CEP126: variants seen among roughly 807,000 people sequenced by gnomAD.
CEP126 encodes the protein centrosomal protein of 126 kDa.
A neutral mutation model predicts 107.8 loss-of-function variants in CEP126; 74 were observed. That is an observed-to-expected ratio of 0.69 (90% CI 0.57 to 0.83). The LOEUF is 0.83. CEP126 is among the 40% of genes least tolerant of loss of function. The pLI is 0.00. For missense variants in CEP126, 1,237 were observed against 1,281.9 expected (o/e 0.96, Z 0.53); for synonymous variants, 449 against 446.0 (o/e 1.01, Z -0.08).
At position 101,915,421 on chromosome 11, in the gene CEP126, C is replaced by G. The variant is rs1419414950; in HGVS notation, c.128+9C>G. 1 of 1,602,100 alleles carries G rather than the reference C, an allele frequency of 6.2e-7. No individual in the cohort carries two copies. Among genetic ancestry groups the G allele is most frequent in the Admixed American group, 1.7e-5 (1 of 58,944 alleles). ...CGACCTGGCTCTTACCTGTATCCTT[C>G]CCAGCCTGTGGCTGCCAGGGTAGCG... On this transcript the variant is annotated intron_variant, in intron 1 of 10. Coordinates refer to ENST00000263468, the MANE Select transcript of CEP126 (RefSeq NM_020802.4).
Position 102,000,761 on chromosome 11 carries a change from T to A in CEP126, c.*3118T>A, listed in dbSNP as rs1003945019. 6.6e-6 allele frequency: 1 copy of A among 151,664 alleles called. No homozygotes were observed. The highest frequency in any genetic ancestry group is 2.4e-5 in the African/African-American group (1 of 41,302). The allele number at this position is 151,664 out of a possible 1,614,324, so 9.4% of individuals were successfully genotyped here. A position where few individuals can be genotyped will look rare whatever the true frequency, so the allele number is the denominator to read the frequency against. ...AGGTATCAAATAATTGAAAGAAAAG[T>A]TTAAACACATTTCCGAGAGGCAGGG... On this transcript the variant is annotated 3_prime_UTR_variant, in exon 11 of 11. Coordinates refer to ENST00000263468, the MANE Select transcript of CEP126 (RefSeq NM_020802.4).
At position 101,964,252 on chromosome 11, in the gene CEP126, G is replaced by A. The variant is rs190730823; in HGVS notation, c.2845+372G>A. Among the ~76,000 whole-genome samples the A allele has an allele frequency of 1.0e-3, 154 of 151,026 alleles. 1 individual carries two copies. Among genetic ancestry groups the A allele is most frequent in the African/African-American group, 3.6e-3 (146 of 41,108 alleles). On this transcript the variant is annotated intron_variant, in intron 6 of 10. Coordinates refer to ENST00000263468, the MANE Select transcript of CEP126 (RefSeq NM_020802.4). ...TGGGAGGTAGAGGTTGCAGTGAGCCGAGATCATGTCACTGCACTCCAGCCT... is the reference window on the plus strand; with the variant it reads ...TGGGAGGTAGAGGTTGCAGTGAGCCAAGATCATGTCACTGCACTCCAGCCT...
chr11:101,920,902 A>G (rs930544691), intron 1 of CEP126, among the ~76,000 whole-genome samples: 6 of 152,302 alleles, frequency 3.9e-5, no homozygotes, highest in African/African-American at 1.2e-4. Flanking sequence ...CACTGCGCCC[A>G]GCCAAATGAA....
In CEP126 at chr11:101,922,723, G is replaced by A. The variant is rs758553803; in HGVS notation, c.211G>A (p.Ala71Thr). ...LQQQKICRNR[A>T]RKYFVESNRR... ...GCAACAAAAAATATGTCGAAATCGA[G>A]CACGTAAATATTTTGTGGAGTCAAA... Residue 71 changes from alanine (A) to threonine (T), a missense_variant, in exon 2 of 11, where the codon GCA (alanine) becomes ACA (threonine). Around this residue, in one of 3 missense-constraint regions of CEP126, gnomAD observed 1,134 missense variants for 1,150.5 expected, o/e 0.99. Transcript: ENST00000263468. The A allele has an allele frequency of 3.1e-6, 5 of 1,612,678 alleles. No individual in the cohort carries two copies. The highest frequency in any genetic ancestry group is 4.5e-5 in the East Asian group (2 of 44,792).
At chr11:101,943,423 C>G (rs1190048091) in intron 2 of CEP126, among the ~76,000 whole-genome samples, 1 of 151,946 alleles carries the variant, frequency 6.6e-6, no homozygotes, top group African/African-American at 2.4e-5. Flanking sequence ...AGAGTTCTTA[C>G]CAACCATCTC....
At chr11:101,955,714 GC>G in intron 4 of CEP126, 1 of 363,814 alleles carries the variant, frequency 2.7e-6, no homozygotes. Context: ...CCTAGAGGCA[GC>G]CCAATAAACC....
chr11:101,920,545 T>G (rs1362159361), intron 1 of CEP126, among the ~76,000 whole-genome samples: 1 of 152,036 alleles, frequency 6.6e-6, no homozygotes, highest in African/African-American at 2.4e-5. Flanking sequence ...CAGTATAATC[T>G]CATATATTTC....
At chr11:101,987,278 C>T (rs1390090295) in intron 9 of CEP126, among the ~76,000 whole-genome samples, 4 of 152,132 alleles carry the variant, frequency 2.6e-5, no homozygotes, top group Non-Finnish European at 5.9e-5. Flanking sequence ...TATGAATAGA[C>T]TTCTGTTTCA....
intron 3 of CEP126, among the ~76,000 whole-genome samples, chr11:101,945,410 G>C (rs1940720906): frequency 6.6e-6 from 1 of 152,124 alleles, no homozygotes; most frequent in Admixed American, 6.5e-5. Flanking sequence ...AGTTCTCAAA[G>C]AGCTTTATAT....
In CEP126 at chr11:101,963,674, C is replaced by T. The variant is rs1484804450; in HGVS notation, c.2639C>T (p.Ser880Phe). The T allele has an allele frequency of 6.2e-7, 1 of 1,614,122 alleles. No individual in the cohort carries two copies. Among genetic ancestry groups the T allele is most frequent in the Non-Finnish European group, 8.5e-7 (1 of 1,180,028 alleles). The change falls in exon 6 of 11, where the codon TCT becomes TTT. Residue 880 changes from serine to phenylalanine, a missense_variant. Physicochemically the swap from Ser to Phe is radical, Grantham distance 155 (BLOSUM62 -2). This residue lies in a region of CEP126 where 1,134 missense variants were observed against 1,150.5 expected (regional missense o/e 0.99). Transcript: ENST00000263468. ...ATACCATCACTGCCATCATATTGTTCTTCAGAGTGCCAAACTTTCGCAAAA... is the reference window on the plus strand; with the variant it reads ...ATACCATCACTGCCATCATATTGTTTTTCAGAGTGCCAAACTTTCGCAAAA... ...TVIPSLPSYC[S>F]SECQTFAKIN... is the part of the protein sequence containing the mutation.
In CEP126 at chr11:101,962,314, C is replaced by G; in HGVS notation, c.1279C>G (p.Leu427Val). The G allele has an allele frequency of 6.2e-7, 1 of 1,613,440 alleles. No individual in the cohort carries two copies. Among genetic ancestry groups the G allele is most frequent in the Non-Finnish European group, 8.5e-7 (1 of 1,179,762 alleles). ...FSKSQSTSDS[L>V]TQEVATFPDQ... ...CAAATCCCAAAGCACTTCAGATTCT[C>G]TAACCCAGGAAGTGGCTACATTTCC... Residue 427 changes from leucine to valine, a missense_variant, in exon 6 of 11, where the codon CTA becomes GTA. Around this residue, in one of 3 missense-constraint regions of CEP126, gnomAD observed 1,134 missense variants for 1,150.5 expected, o/e 0.99. Coordinates refer to ENST00000263468, the MANE Select transcript of CEP126 (RefSeq NM_020802.4).
Position 101,992,847 on chromosome 11 carries a change from G to A in CEP126, c.3309+5G>A, listed in dbSNP as rs1941401677. On this transcript the variant is annotated splice_donor_5th_base_variant and intron_variant, in intron 10 of 10. Transcript: ENST00000263468. ...TTACAAATAATACCACTTCTGGTAAGTATTTGAAGAAGCTCTTTTTTTCTT... is the reference window on the plus strand; with the variant it reads ...TTACAAATAATACCACTTCTGGTAAATATTTGAAGAAGCTCTTTTTTTCTT... The A allele has an allele frequency of 6.6e-7, 1 of 1,521,100 alleles. No individual in the cohort carries two copies. The highest frequency in any genetic ancestry group is 1.4e-5 in the African/African-American group (1 of 69,946). The allele number at this position is 1,521,100 out of a possible 1,614,324, so 94.2% of individuals were successfully genotyped here.
At chr11:101,921,167 A>G (rs1940320456) in intron 1 of CEP126, among the ~76,000 whole-genome samples, 1 of 152,180 alleles carries the variant, frequency 6.6e-6, no homozygotes, top group Non-Finnish European at 1.5e-5. Context: ...ATGACTATAC[A>G]TAGTTTTCCT....
At position 101,963,504 on chromosome 11, in the gene CEP126, A is replaced by G; in HGVS notation, c.2469A>G (p.Pro823=). The stretch of plus-strand genomic sequence containing the variant: ...ATATACAAGTGTCTCAGTGTCAACC[A>G]GTAACTCCTGAAAATCCTCAAAACA... ...GKNIQVSQCQ[P]VTPENPQNII... The change falls in exon 6 of 11, where the codon CCA becomes CCG. Residue 823 remains proline (P), a synonymous_variant. Coordinates refer to ENST00000263468, the MANE Select transcript of CEP126 (RefSeq NM_020802.4). 6.2e-7 allele frequency: 1 copy of G among 1,614,080 alleles called. No individual in the cohort carries two copies. Among genetic ancestry groups the G allele is most frequent in the African/African-American group, 1.3e-5 (1 of 75,052 alleles).
chr11:101,987,095 T>C, intron 9 of CEP126, 54 bp downstream of exon 9: 1 of 1,225,430 alleles, frequency 8.2e-7, no homozygotes, highest in Non-Finnish European at 1.2e-6. Flanking sequence ...ACTTAGACAA[T>C]TTTAATTTAA....
chr11:101,937,669 C>T (rs1195788247), intron 2 of CEP126, among the ~76,000 whole-genome samples: 3 of 151,848 alleles, frequency 2.0e-5, no homozygotes, highest in African/African-American at 7.3e-5. Flanking sequence ...GTTTTGTTCA[C>T]CTCTATATTT....
At position 101,962,984 on chromosome 11, in the gene CEP126, A is replaced by G. The variant is rs756754200; in HGVS notation, c.1949A>G (p.Lys650Arg). The G allele has an allele frequency of 6.2e-7, 1 of 1,612,950 alleles. No homozygotes were observed. The highest frequency in any genetic ancestry group is 8.5e-7 in the Non-Finnish European group (1 of 1,179,748). Residue 650 changes from lysine to arginine, a missense_variant, in exon 6 of 11, where the codon AAG becomes AGG. This residue lies in a region of CEP126 where 1,134 missense variants were observed against 1,150.5 expected (regional missense o/e 0.99). Coordinates refer to ENST00000263468, the MANE Select transcript of CEP126 (RefSeq NM_020802.4). The stretch of plus-strand genomic sequence containing the variant: ...AATGCTGAAAACAGTCATTCACTGA[A>G]GAATAAAACAGGAACAACTCAACAG... ...ENNAENSHSL[K>R]NKTGTTQQHS...
intron 6 of CEP126, among the ~76,000 whole-genome samples, chr11:101,973,860 T>C (rs1051701936): frequency 1.3e-5 from 2 of 152,218 alleles, no homozygotes; most frequent in Non-Finnish European, 2.9e-5. Flanking sequence ...CATTCTCCTG[T>C]GAAATGTCTG....
intron 2 of CEP126, among the ~76,000 whole-genome samples, chr11:101,929,941 C>T (rs1222582412): frequency 6.7e-6 from 1 of 149,430 alleles, no homozygotes; most frequent in African/African-American, 2.5e-5. Flanking sequence ...TTTTCCTTAT[C>T]CTGAGGCTAG....
Sources: gnomAD v4.1 joint callset for allele counts (sites outside exome capture counted in the v4.1 genomes callset) on GRCh38, gnomAD v4.1.1 for gene constraint, gnomAD v4.1.1 regional missense constraint, MANE v1.5 for transcripts, NCBI Gene and HGNC (gene_info 2026-07-23, HGNC 2026-07-21) for gene names.